Variants in TBC1D21 observed in about 807,000 individuals in gnomAD.
TBC1D21 encodes male germ cell Rab GTPase-activating protein.
Under a neutral mutation model 46.0 loss-of-function variants are expected in TBC1D21, and 38 were observed. The ratio of observed to expected loss-of-function variants is 0.83; its 90% confidence interval spans 0.64 to 1.08. The LOEUF (loss-of-function observed/expected upper bound fraction) is 1.08, where lower values mean the gene tolerates loss of function less well. TBC1D21 is among the 50% of genes least tolerant of loss of function. The pLI, the probability that TBC1D21 is intolerant of heterozygous loss-of-function variation, is 0.00. For synonymous variants in TBC1D21, 151 were observed against 157.2 expected, an observed-to-expected ratio of 0.96 and a Z score of 0.29; for missense variants, 415 against 417.9, an observed-to-expected ratio of 0.99 and a Z score of 0.06.
Position 73,887,732 on chromosome 15 carries a change from T to C in TBC1D21, c.890T>C (p.Leu297Pro), listed in dbSNP as rs1567069538. ...LQESMGGDDI[L>P]LACNNLIDLD... ...GAAAGCATGGGCGGGGATGACATCC[T>C]CCTGGTGAGAGCACCCTCGGGCAAG... The change falls in exon 9 of 11, where the codon CTC (leucine) becomes CCC (proline). Residue 297 changes from leucine (L) to proline (P), a missense_variant. Coordinates refer to ENST00000300504, the MANE Select transcript of TBC1D21 (RefSeq NM_153356.3). 3 of 1,613,108 alleles carry C rather than the reference T, an allele frequency of 1.9e-6. No individual in the cohort carries two copies. The highest frequency in any genetic ancestry group is 1.7e-4 in the Middle Eastern group (1 of 5,942).
the TBC1D21 span, among the ~76,000 whole-genome samples, chr15:73,895,303 A>G: frequency 6.6e-6 from 1 of 152,154 alleles, no homozygotes; most frequent in Non-Finnish European, 1.5e-5. Flanking sequence ...ACCAGAGAGG[A>G]CAGGAGTGAC....
At chr15:73,897,373 G>C in the TBC1D21 span, among the ~76,000 whole-genome samples, 1 of 152,148 alleles carries the variant, frequency 6.6e-6, no homozygotes, top group East Asian at 1.9e-4. Flanking sequence ...AGCAAACTTC[G>C]ACTCAAAGAA....
the TBC1D21 span, among the ~76,000 whole-genome samples, chr15:73,903,543 C>T: frequency 6.6e-6 from 1 of 152,192 alleles, no homozygotes; most frequent in South Asian, 2.1e-4. Flanking sequence ...TCACATGCTG[C>T]CTGGGATCAT....
At chr15:73,896,991 G>A in the TBC1D21 span, among the ~76,000 whole-genome samples, 850 of 152,290 alleles carry the variant, frequency 5.6e-3, 4 homozygotes, top group Non-Finnish European at 7.9e-3. Flanking sequence ...ACTGGGCTGG[G>A]GAGATATTGA....
At chr15:73,905,578 G>A in the TBC1D21 span, among the ~76,000 whole-genome samples, 12 of 152,338 alleles carry the variant, frequency 7.9e-5, no homozygotes, top group Admixed American at 3.9e-4. Context: ...TGCATTCAGT[G>A]ACATCATGTT....
At chr15:73,909,405 T>A in the TBC1D21 span, among the ~76,000 whole-genome samples, 1 of 151,924 alleles carries the variant, frequency 6.6e-6, no homozygotes, top group African/African-American at 2.4e-5. Flanking sequence ...GCCCAGGGCC[T>A]GAGGCAAAGT....
intron 3 of TBC1D21, among the ~76,000 whole-genome samples, chr15:73,883,257 T>G (rs2068186007): frequency 6.6e-6 from 1 of 152,142 alleles, no homozygotes; most frequent in African/African-American, 2.4e-5. Flanking sequence ...GCTAGGGAGC[T>G]CAGAGAGGTT....
intron 3 of TBC1D21, 48 bp from the exon 4 acceptor site, chr15:73,884,103 T>C (rs1255852061): frequency 7.2e-7 from 1 of 1,383,558 alleles, no homozygotes; most frequent in Non-Finnish European, 9.7e-7. Context: ...TCACCACTTA[T>C]CAGAAGGGGA....
At chr15:73,903,241 C>T in the TBC1D21 span, among the ~76,000 whole-genome samples, 1 of 152,236 alleles carries the variant, frequency 6.6e-6, no homozygotes, top group South Asian at 2.1e-4. Flanking sequence ...TGTCCTGGCA[C>T]CCATGCCTCC....
rs1471233798 is a variant in TBC1D21 at position 73,881,786 on chromosome 15, C to T, written c.272+39C>T. The T allele has an allele frequency of 1.9e-6, 3 of 1,575,746 alleles. No individual in the cohort carries two copies. In the Admixed American group the frequency reaches 5.0e-5, roughly 26 times the overall value. On this transcript the variant is annotated intron_variant, in intron 3 of 10. Coordinates refer to ENST00000300504, the MANE Select transcript of TBC1D21 (RefSeq NM_153356.3). ...GACCCTGCTGGGACAGGAGGGGGGC[C>T]TGCAGGTGGCAGGTGCTGCCTCCCC...
the TBC1D21 span, among the ~76,000 whole-genome samples, chr15:73,899,359 G>T: frequency 6.6e-6 from 1 of 152,202 alleles, no homozygotes; most frequent in African/African-American, 2.4e-5. Context: ...CTAGAGGACA[G>T]AAGAAGGTTC....
chr15:73,889,298 A>T (rs2068316630), downstream of TBC1D21: 1 of 613,378 alleles, frequency 1.6e-6, no homozygotes, highest in Non-Finnish European at 2.8e-6. Context: ...ATAGGAAGAG[A>T]GGCTGGCTGG....
At chr15:73,881,869 C>A in intron 3 of TBC1D21, 122 bp downstream of exon 3, 4 of 848,052 alleles carry the variant, frequency 4.7e-6, no homozygotes, top group Non-Finnish European at 7.5e-6. Flanking sequence ...GAACCCCATG[C>A]CTCCTGACCC....
chr15:73,907,778 T>C, the TBC1D21 span, among the ~76,000 whole-genome samples: 1 of 152,218 alleles, frequency 6.6e-6, no homozygotes, highest in Non-Finnish European at 1.5e-5. Flanking sequence ...ACTTACTGTA[T>C]AGTCTCAATT....
Position 73,876,223 on chromosome 15 carries a change from T to TTGTTTG in TBC1D21, c.60+2455_60+2456insGTTTGT, listed in dbSNP as rs1567062368. ...GGTTTTTTTTTTTTTTTTTTTTTTT[T>TTGTTTG]TTTTTTTTTTTTTTTTTTTTTTGAG... On this transcript the variant is annotated intron_variant, in intron 1 of 10. Coordinates refer to ENST00000300504, the MANE Select transcript of TBC1D21 (RefSeq NM_153356.3). 8.2e-4 allele frequency among the ~76,000 whole-genome samples: 42 copies of TTGTTTG among 51,262 alleles called. 1 individual carries two copies. Among genetic ancestry groups the TTGTTTG allele is most frequent in the African/African-American group, 4.6e-3 (37 of 8,040 alleles). The allele number at this position is 51,262 out of a possible 152,430, so 33.6% of individuals were successfully genotyped here.
chr15:73,895,166 G>A, the TBC1D21 span, among the ~76,000 whole-genome samples: 4 of 152,198 alleles, frequency 2.6e-5, no homozygotes, highest in Non-Finnish European at 2.9e-5. Flanking sequence ...TCTAAAGTAC[G>A]GTCAGGAATG....
At chr15:73,905,605 C>T in the TBC1D21 span, among the ~76,000 whole-genome samples, 1 of 152,228 alleles carries the variant, frequency 6.6e-6, no homozygotes, top group Non-Finnish European at 1.5e-5. Flanking sequence ...TTGAAATTGG[C>T]TGTGGTGGGA....
the TBC1D21 span, among the ~76,000 whole-genome samples, chr15:73,896,611 C>T: frequency 1.3e-5 from 2 of 151,828 alleles, no homozygotes; most frequent in Non-Finnish European, 2.9e-5. Context: ...CAAGGAGGGG[C>T]GGTAAACTTG....
At chr15:73,882,672 C>A (rs1376493263) in intron 3 of TBC1D21, among the ~76,000 whole-genome samples, 5 of 152,228 alleles carry the variant, frequency 3.3e-5, no homozygotes, top group Non-Finnish European at 5.9e-5. Context: ...TAAACTTGCC[C>A]ATGAACTTCA....
Sources: gnomAD v4.1 joint callset for allele counts (sites outside exome capture counted in the v4.1 genomes callset) on GRCh38, gnomAD v4.1.1 for gene constraint, MANE v1.5 for transcripts, NCBI Gene and HGNC (gene_info 2026-07-23, HGNC 2026-07-21) for gene names.